TAFA2: variants seen among roughly 807,000 people sequenced by gnomAD.
TAFA2 encodes the protein TAFA chemokine like family member 2, also known as chemokine-like protein TAFA-2.
A neutral mutation model predicts 18.8 loss-of-function variants in TAFA2; 7 were observed. The observed-to-expected ratio is 0.37, with a 90% CI of 0.21 to 0.70. The LOEUF is 0.70. TAFA2 is among the 30% of genes least tolerant of loss of function. The probability of loss-of-function intolerance (pLI) is 0.53; values close to 1 mark genes in which losing one functional copy is unlikely to be tolerated. For missense variants in TAFA2, 122 were observed against 158.1 expected (o/e 0.77, Z 1.23); for synonymous variants, 60 against 54.2 (o/e 1.11, Z -0.47).
chr12:62,160,677 G>A (rs11174356), intron 1 of TAFA2, among the ~76,000 whole-genome samples: 120,224 of 152,092 alleles, frequency 0.79, 48,188 homozygotes, highest in Non-Finnish European at 0.87. Context: ...CTGCAGTTGG[G>A]GGCCATTATC....
intron 1 of TAFA2, among the ~76,000 whole-genome samples, chr12:62,122,175 A>C (rs757074649): frequency 6.6e-6 from 1 of 152,162 alleles, no homozygotes. Context: ...CCCATGACAC[A>C]AGTTTACCTA....
intron 2 of TAFA2, among the ~76,000 whole-genome samples, chr12:61,840,722 C>T (rs1319426539): frequency 1.3e-5 from 2 of 151,986 alleles, no homozygotes. Flanking sequence ...ATTAAAGGAA[C>T]AACGAAAACA....
chr12:62,002,073 T>G (rs1298040747), intron 1 of TAFA2, among the ~76,000 whole-genome samples: 1 of 152,130 alleles, frequency 6.6e-6, no homozygotes, highest in Non-Finnish European at 1.5e-5. Context: ...GTCCCCTTTG[T>G]CCAACCAATG....
chr12:62,072,844 G>C (rs1882667799), intron 1 of TAFA2, among the ~76,000 whole-genome samples: 1 of 152,096 alleles, frequency 6.6e-6, no homozygotes, highest in South Asian at 2.1e-4. Flanking sequence ...CAAATAAGAT[G>C]GAGCAAAGTA....
At chr12:62,211,910 A>C (rs1275960212) in intron 1 of TAFA2, among the ~76,000 whole-genome samples, 1 of 152,212 alleles carries the variant, frequency 6.6e-6, no homozygotes, top group South Asian at 2.1e-4. Context: ...CACTGAAAAA[A>C]GCATGGTTAA....
chr12:61,812,607 T>C (rs1170237351), intron 2 of TAFA2, among the ~76,000 whole-genome samples: 1 of 150,054 alleles, frequency 6.7e-6, no homozygotes, highest in Non-Finnish European at 1.5e-5. Context: ...TCTCACTCTG[T>C]AACCCAGGCT....
At chr12:61,799,186 A>G (rs1164043644) in intron 2 of TAFA2, among the ~76,000 whole-genome samples, 1 of 152,258 alleles carries the variant, frequency 6.6e-6, no homozygotes, top group Non-Finnish European at 1.5e-5. Flanking sequence ...ACAGTATCAC[A>G]GAGTCTGTTT....
At chr12:61,833,706 T>A (rs1872804407) in intron 2 of TAFA2, among the ~76,000 whole-genome samples, 1 of 151,986 alleles carries the variant, frequency 6.6e-6, no homozygotes, top group Admixed American at 6.6e-5. Context: ...GTGACTATAA[T>A]CCTCAGTAAT....
intron 1 of TAFA2, among the ~76,000 whole-genome samples, chr12:62,010,902 C>T (rs1350784361): frequency 2.7e-5 from 3 of 112,014 alleles, no homozygotes. Context: ...TGGGGAGCGC[C>T]TCTGCCCGGC....
chr12:61,832,465 A>T (rs992610724), intron 2 of TAFA2, among the ~76,000 whole-genome samples: 1 of 152,070 alleles, frequency 6.6e-6, no homozygotes, highest in Admixed American at 6.6e-5. Context: ...CCAGGCAGTC[A>T]TTCAAGTCAC....
intron 1 of TAFA2, among the ~76,000 whole-genome samples, chr12:62,164,063 GCAAT>G (rs1438066988): frequency 1.3e-5 from 2 of 152,060 alleles, no homozygotes; most frequent in Non-Finnish European, 2.9e-5. Flanking sequence ...CTTGTTTCAG[GCAAT>G]CAAAGAGAGT....
At chr12:61,738,623 T>A (rs991541413) in intron 4 of TAFA2, among the ~76,000 whole-genome samples, 1 of 152,056 alleles carries the variant, frequency 6.6e-6, no homozygotes, top group Non-Finnish European at 1.5e-5. Flanking sequence ...AGAGCACCTT[T>A]ACAATTGTGT....
chr12:62,173,559 G>C (rs1279058151), intron 1 of TAFA2, among the ~76,000 whole-genome samples: 1 of 152,190 alleles, frequency 6.6e-6, no homozygotes, highest in Non-Finnish European at 1.5e-5. Context: ...CAGCACAAAA[G>C]AAAGTGGCCT....
chr12:61,871,282 C>T (rs900743407), intron 1 of TAFA2, among the ~76,000 whole-genome samples: 2 of 152,002 alleles, frequency 1.3e-5, no homozygotes, highest in Non-Finnish European at 2.9e-5. Context: ...AGAAAAACAC[C>T]TAAAGGAAAA....
intron 1 of TAFA2, among the ~76,000 whole-genome samples, chr12:61,884,722 C>G (rs1875296599): frequency 6.6e-6 from 1 of 152,106 alleles, no homozygotes; most frequent in African/African-American, 2.4e-5. Context: ...AATATGTTCT[C>G]TAGGCTACCA....
intron 4 of TAFA2, among the ~76,000 whole-genome samples, chr12:61,721,959 A>ATC (rs1869923712): frequency 6.6e-6 from 1 of 152,028 alleles, no homozygotes; most frequent in Non-Finnish European, 1.5e-5. Context: ...CTCTCTCAAA[A>ATC]AAAAAAAAAG....
chr12:62,162,101 G>C (rs571014326), intron 1 of TAFA2, among the ~76,000 whole-genome samples: 89 of 152,224 alleles, frequency 5.8e-4, no homozygotes, highest in Non-Finnish European at 9.4e-4. Context: ...ACTTTTGCTA[G>C]TTTTAAGACT....
At chr12:61,912,022 C>T (rs1419720076) in intron 1 of TAFA2, among the ~76,000 whole-genome samples, 2 of 152,186 alleles carry the variant, frequency 1.3e-5, no homozygotes, top group African/African-American at 4.8e-5. Context: ...CCTAATGATA[C>T]TGATAGTTGC....
At chr12:62,008,747 T>C (rs1278402658) in intron 1 of TAFA2, among the ~76,000 whole-genome samples, 1 of 152,180 alleles carries the variant, frequency 6.6e-6, no homozygotes, top group African/African-American at 2.4e-5. Context: ...TGCATCAGGA[T>C]TACACACAAG....
Sources: gnomAD v4.1 joint callset for allele counts (sites outside exome capture counted in the v4.1 genomes callset) on GRCh38, gnomAD v4.1.1 for gene constraint, MANE v1.5 for transcripts, NCBI Gene and HGNC (gene_info 2026-07-23, HGNC 2026-07-21) for gene names.